PPP2R2D: variants seen among roughly 807,000 people sequenced by gnomAD.
The protein encoded by PPP2R2D is serine/threonine-protein phosphatase 2A 55 kDa regulatory subunit B delta isoform.
In PPP2R2D, 9 loss-of-function variants were observed where a neutral mutation model predicts 31.1. The observed-to-expected ratio is 0.29, with a 90% CI of 0.17 to 0.51. The LOEUF is 0.51. Among genes scored for constraint, PPP2R2D ranks in the 20% least tolerant of loss-of-function variants. The pLI is 0.98. For synonymous variants in PPP2R2D, 179 were observed against 172.6 expected (o/e 1.04, Z -0.29); for missense variants, 391 against 465.6 (o/e 0.84, Z 1.48).
chr10:131,969,113 G>A, the PPP2R2D span: 13 of 154,786 alleles, frequency 8.4e-5, no homozygotes, highest in South Asian at 1.4e-3. Context: ...GGGCAGAATC[G>A]GAAGCCTGGC....
intron 2 of PPP2R2D, among the ~76,000 whole-genome samples, chr10:131,901,681 C>G (rs988346475): frequency 6.6e-6 from 1 of 152,126 alleles, no homozygotes; most frequent in South Asian, 2.1e-4. Context: ...CTGAGGAGAC[C>G]GCGGCGGAGC....
chr10:131,920,824 G>A (rs1366682383), intron 2 of PPP2R2D, among the ~76,000 whole-genome samples: 1 of 152,172 alleles, frequency 6.6e-6, no homozygotes, highest in Admixed American at 6.5e-5. Flanking sequence ...AGCTACTCAG[G>A]AGGCTGAGGC....
intron 2 of PPP2R2D, among the ~76,000 whole-genome samples, chr10:131,909,766 T>A (rs1439905625): frequency 6.6e-6 from 1 of 152,238 alleles, no homozygotes; most frequent in African/African-American, 2.4e-5. Context: ...CCAGAGAGCC[T>A]TTGTTTGTGC....
intron 4 of PPP2R2D, 67 bp downstream of exon 4, chr10:131,940,263 G>A (rs1234226986): frequency 1.7e-6 from 1 of 589,838 alleles, no homozygotes; most frequent in Non-Finnish European, 3.1e-6. Context: ...TGTGTGTGTA[G>A]ATTCCTTTTT....
In PPP2R2D at chr10:131,958,363, TGGAGATGAAGGTGTGTG is replaced by T; in HGVS notation, c.*2401_*2417del. 5.5e-6 allele frequency: 1 copy of T among 182,050 alleles called. No homozygotes were observed. The highest frequency in any genetic ancestry group is 2.0e-4 in the East Asian group (1 of 5,126). The allele number at this position is 182,050 out of a possible 1,614,324, so 11.3% of individuals were successfully genotyped here. ...GGTGTGCTGATCCCCCGTCTTCCTGTGGAGATGAAGGTGTGTGCTGATTCCTCATGCCCCTGTGGAGA... is the reference window on the plus strand; with the variant it reads ...GGTGTGCTGATCCCCCGTCTTCCTGTCTGATTCCTCATGCCCCTGTGGAGA... On this transcript the variant is annotated 3_prime_UTR_variant, in exon 9 of 9. Coordinates refer to ENST00000455566, the MANE Select transcript of PPP2R2D (RefSeq NM_018461.5).
chr10:131,916,082 T>C (rs187655469), intron 2 of PPP2R2D, among the ~76,000 whole-genome samples: 1 of 152,290 alleles, frequency 6.6e-6, no homozygotes, highest in Admixed American at 6.5e-5. Context: ...GGTAAAATAG[T>C]AACCATAGAA....
At chr10:131,908,656 T>G (rs991144344) in intron 2 of PPP2R2D, among the ~76,000 whole-genome samples, 41 of 152,344 alleles carry the variant, frequency 2.7e-4, no homozygotes, top group African/African-American at 9.4e-4. Context: ...TACTCTTTTC[T>G]CATCTGTTAA....
At chr10:131,944,282 GT>G (rs1239371800) in intron 6 of PPP2R2D, 137 bp downstream of exon 6, 1 of 692,852 alleles carries the variant, frequency 1.4e-6, no homozygotes, top group Non-Finnish European at 2.3e-6. Flanking sequence ...TGTGATGTAA[GT>G]TCTCTGTGAT....
In PPP2R2D at chr10:131,955,685, G is replaced by A. The variant is rs1438500552; in HGVS notation, c.1084G>A (p.Ala362Thr). 2.8e-6 allele frequency: 4 copies of A among 1,444,902 alleles called. No homozygotes were observed. The highest frequency in any genetic ancestry group is 3.7e-6 in the Non-Finnish European group (4 of 1,091,590). The allele number at this position is 1,444,902 out of a possible 1,614,324, so 89.5% of individuals were successfully genotyped here. ...GCTGTCTGCTCTTGTTTTGAACAGC[G>A]CCATCATGACCGGGTCCTATAACAA... ...FECCWNGSDS[A>T]IMTGSYNNFF... The change falls in exon 9 of 9, where the codon GCC (alanine) becomes ACC (threonine). Residue 362 changes from alanine to threonine, a missense_variant and splice_region_variant. Ala to Thr is a moderately conservative substitution (Grantham distance 58). Transcript: ENST00000455566.
rs2036896628 is a variant in PPP2R2D, at chr10:131,959,675, A to G, written c.*3712A>G. On this transcript the variant is annotated 3_prime_UTR_variant, in exon 9 of 9. Transcript: ENST00000455566. ...AACTAAAAAATAATTTATATACTGT[A>G]TATTGATTGTGACACAATTTACAAA... The G allele has an allele frequency of 6.6e-6, 1 of 152,358 alleles. No homozygotes were observed. The highest frequency in any genetic ancestry group is 2.1e-4 in the South Asian group (1 of 4,846). The allele number at this position is 152,358 out of a possible 1,614,324, so 9.4% of individuals were successfully genotyped here. A position where few individuals can be genotyped will look rare whatever the true frequency, so the allele number is the denominator to read the frequency against.
chr10:131,968,813 A>G, the PPP2R2D span: 2 of 371,488 alleles, frequency 5.4e-6, no homozygotes, highest in South Asian at 6.4e-5. Flanking sequence ...GGATCACCAA[A>G]CCGAATGCTG....
intron 8 of PPP2R2D, among the ~76,000 whole-genome samples, chr10:131,953,922 C>CTTA (rs1343570779): frequency 6.6e-6 from 1 of 152,156 alleles, no homozygotes; most frequent in African/African-American, 2.4e-5. Context: ...GTAACATTTG[C>CTTA]TTAGTCCATT....
At chr10:131,927,043 T>TG (rs1309367480) in intron 2 of PPP2R2D, among the ~76,000 whole-genome samples, 1 of 152,148 alleles carries the variant, frequency 6.6e-6, no homozygotes, top group African/African-American at 2.4e-5. Flanking sequence ...CCGCTCCAGG[T>TG]GGTCTCTGCT....
At chr10:131,928,721 A>G (rs1306095667) in intron 2 of PPP2R2D, among the ~76,000 whole-genome samples, 1 of 152,196 alleles carries the variant, frequency 6.6e-6, no homozygotes, top group Non-Finnish European at 1.5e-5. Context: ...TAGAGAAGTG[A>G]AATAGTCACA....
At chr10:131,934,102 A>G (rs1028565974) in intron 2 of PPP2R2D, among the ~76,000 whole-genome samples, 2 of 152,242 alleles carry the variant, frequency 1.3e-5, no homozygotes, top group Non-Finnish European at 1.5e-5. Flanking sequence ...AAATTAGGCA[A>G]CATTCTTCAG....
intron 8 of PPP2R2D, among the ~76,000 whole-genome samples, chr10:131,955,175 CCA>C (rs1441539643): frequency 3.7e-4 from 56 of 152,284 alleles, no homozygotes; most frequent in African/African-American, 1.3e-3. Context: ...TAAAATTCTG[CCA>C]CACTTTGCCC....
the PPP2R2D span, chr10:131,968,552 C>T: frequency 1.9e-5 from 30 of 1,601,828 alleles, no homozygotes; most frequent in South Asian, 2.8e-4. Context: ...GGTTGTCAGA[C>T]GCCTTCCAAT....
At chr10:131,932,749 C>T (rs1554895874) in intron 2 of PPP2R2D, among the ~76,000 whole-genome samples, 3 of 150,934 alleles carry the variant, frequency 2.0e-5, no homozygotes, top group African/African-American at 7.3e-5. Context: ...AAACTGTCTC[C>T]ATCAGATTAA....
intron 2 of PPP2R2D, among the ~76,000 whole-genome samples, chr10:131,915,889 G>T (rs1246129133): frequency 2.0e-5 from 3 of 152,170 alleles, no homozygotes; most frequent in African/African-American, 4.8e-5. Context: ...TTAAGTTCAG[G>T]TGTGTAATAG....
Sources: gnomAD v4.1 joint callset for allele counts (sites outside exome capture counted in the v4.1 genomes callset) on GRCh38, gnomAD v4.1.1 for gene constraint, MANE v1.5 for transcripts, NCBI Gene and HGNC (gene_info 2026-07-23, HGNC 2026-07-21) for gene names.